Variants in PTPRT observed in about 807,000 individuals in gnomAD.
PTPRT encodes receptor-type tyrosine-protein phosphatase T.
Under a neutral mutation model 176.8 loss-of-function variants are expected in PTPRT, and 56 were observed. The observed-to-expected ratio is 0.32, with a 90% CI of 0.26 to 0.40. PTPRT has a LOEUF of 0.40. Among genes scored for constraint, PTPRT ranks in the 10% least tolerant of loss-of-function variants. PTPRT has a pLI of 1.00. For synonymous variants in PTPRT, 783 were observed against 739.0 expected, an observed-to-expected ratio of 1.06 and a Z score of -0.96; for missense variants, 1,540 against 1,908.2, an observed-to-expected ratio of 0.81 and a Z score of 3.60.
At chr20:42,372,226 G>A (rs549223502) in intron 9 of PTPRT, among the ~76,000 whole-genome samples, 7 of 151,598 alleles carry the variant, frequency 4.6e-5, no homozygotes, top group African/African-American at 1.7e-4. Context: ...TCAGAAAATA[G>A]GGGTTCTGGA....
At chr20:42,689,081 C>T (rs1260107933) in intron 6 of PTPRT, among the ~76,000 whole-genome samples, 1 of 152,054 alleles carries the variant, frequency 6.6e-6, no homozygotes, top group Non-Finnish European at 1.5e-5. Context: ...CAGTAAGGGC[C>T]CCACCCTCAA....
At chr20:42,808,128 T>C (rs2077640209) in intron 2 of PTPRT, among the ~76,000 whole-genome samples, 1 of 152,166 alleles carries the variant, frequency 6.6e-6, no homozygotes, top group Non-Finnish European at 1.5e-5. Flanking sequence ...GGACGGGCCA[T>C]TTTAGCTCCC....
intron 13 of PTPRT, among the ~76,000 whole-genome samples, chr20:42,278,073 C>CTATA (rs777694770): frequency 4.3e-4 from 17 of 39,248 alleles, no homozygotes; most frequent in Non-Finnish European, 6.4e-4. Context: ...TGTAAGTAGA[C>CTATA]TATATATATA....
At chr20:42,580,082 T>A (rs2073342690) in intron 7 of PTPRT, among the ~76,000 whole-genome samples, 3 of 152,170 alleles carry the variant, frequency 2.0e-5, no homozygotes, top group African/African-American at 7.2e-5. Flanking sequence ...ATTTTTCTAT[T>A]AGGTGTAAGG....
chr20:42,926,020 A>C (rs1423557730), intron 1 of PTPRT, among the ~76,000 whole-genome samples: 1 of 152,182 alleles, frequency 6.6e-6, no homozygotes, highest in Non-Finnish European at 1.5e-5. Flanking sequence ...AGACCCTGCC[A>C]GGTAAAGCTT....
At chr20:42,305,462 T>C (rs935572286) in intron 12 of PTPRT, among the ~76,000 whole-genome samples, 5 of 151,318 alleles carry the variant, frequency 3.3e-5, no homozygotes, top group Non-Finnish European at 7.3e-5. Context: ...TATGTGTATA[T>C]GCACATATGC....
chr20:42,179,048 G>A (rs140787545), intron 16 of PTPRT, among the ~76,000 whole-genome samples: 4 of 152,256 alleles, frequency 2.6e-5, no homozygotes, highest in East Asian at 1.9e-4. Flanking sequence ...GAGGAAGGGC[G>A]TTATATAAGA....
chr20:42,772,539 G>A (rs185340434), intron 4 of PTPRT, among the ~76,000 whole-genome samples: 22 of 152,284 alleles, frequency 1.4e-4, no homozygotes, highest in Admixed American at 3.3e-4. Context: ...TTGTGGAGAA[G>A]GGTCCTCACC....
intron 1 of PTPRT, among the ~76,000 whole-genome samples, chr20:43,089,703 C>A (rs566580732): frequency 3.7e-4 from 56 of 152,228 alleles, no homozygotes; most frequent in African/African-American, 1.3e-3. Flanking sequence ...GATACAGATA[C>A]CAGGAGTTGG....
At chr20:42,260,086 A>G (rs1025617078) in intron 13 of PTPRT, among the ~76,000 whole-genome samples, 13 of 152,222 alleles carry the variant, frequency 8.5e-5, no homozygotes, top group Admixed American at 8.5e-4. Context: ...GAAAGTGCAA[A>G]CTAAAAATCA....
intron 1 of PTPRT, among the ~76,000 whole-genome samples, chr20:43,163,446 G>A (rs970619839): frequency 5.3e-5 from 8 of 152,108 alleles, no homozygotes; most frequent in African/African-American, 1.9e-4. Flanking sequence ...AGACCATCCT[G>A]GCTAACATGG....
intron 7 of PTPRT, among the ~76,000 whole-genome samples, chr20:42,619,132 C>T (rs1258251006): frequency 2.0e-5 from 3 of 149,940 alleles, no homozygotes; most frequent in Non-Finnish European, 3.0e-5. Context: ...TTAGGGCAGG[C>T]CTGGTGGTGA....
intron 2 of PTPRT, among the ~76,000 whole-genome samples, chr20:42,874,420 G>T (rs890589632): frequency 2.6e-5 from 4 of 151,042 alleles, no homozygotes; most frequent in Non-Finnish European, 5.9e-5. Flanking sequence ...CATTTTTCCA[G>T]TGAGAAGACA....
chr20:42,276,554 T>TAA (rs1568731934), intron 13 of PTPRT, among the ~76,000 whole-genome samples: 10 of 89,896 alleles, frequency 1.1e-4, no homozygotes, highest in African/African-American at 4.0e-4. Context: ...TATATATATA[T>TAA]ATATAATGTT....
intron 2 of PTPRT, among the ~76,000 whole-genome samples, chr20:42,870,493 T>C (rs2078825778): frequency 6.6e-6 from 1 of 152,248 alleles, no homozygotes; most frequent in Admixed American, 6.5e-5. Flanking sequence ...TTCAAGATTC[T>C]GCTTTCAATT....
At chr20:42,196,997 A>G (rs540260481) in intron 16 of PTPRT, among the ~76,000 whole-genome samples, 36 of 152,174 alleles carry the variant, frequency 2.4e-4, no homozygotes, top group Non-Finnish European at 1.0e-4. Context: ...ATTTTTGCCA[A>G]AATGTGTAAC....
intron 20 of PTPRT, 21 bp from the exon 21 acceptor site, chr20:42,118,521 G>T: frequency 1.3e-6 from 2 of 1,584,152 alleles, no homozygotes; most frequent in Non-Finnish European, 1.7e-6. Context: ...AGAAGACAGT[G>T]AGGTTAGAGA....
intron 8 of PTPRT, among the ~76,000 whole-genome samples, chr20:42,456,168 G>A (rs1183501085): frequency 6.6e-6 from 1 of 151,726 alleles, no homozygotes; most frequent in Non-Finnish European, 1.5e-5. Context: ...TATTGCTATT[G>A]TACATAATGT....
At chr20:42,984,138 C>T (rs1485451882) in intron 1 of PTPRT, among the ~76,000 whole-genome samples, 1 of 152,220 alleles carries the variant, frequency 6.6e-6, no homozygotes, top group East Asian at 1.9e-4. Context: ...GCACACAGCT[C>T]CCCATATATA....
Sources: gnomAD v4.1 joint callset for allele counts (sites outside exome capture counted in the v4.1 genomes callset) on GRCh38, gnomAD v4.1.1 for gene constraint, MANE v1.5 for transcripts, NCBI Gene and HGNC (gene_info 2026-07-23, HGNC 2026-07-21) for gene names.